DCC: variants seen among roughly 807,000 people sequenced by gnomAD.
DCC encodes DCC netrin 1 receptor, also known as netrin receptor DCC.
A neutral mutation model predicts 172.5 loss-of-function variants in DCC; 58 were observed. The observed-to-expected ratio is 0.34, with a 90% CI of 0.27 to 0.42. DCC has a LOEUF of 0.42. Ranked by LOEUF, DCC falls within the 10% of genes least tolerant of loss-of-function variation. The pLI, the probability that DCC is intolerant of heterozygous loss-of-function variation, is 1.00. For missense variants in DCC, 1,740 were observed against 1,791.0 expected (o/e 0.97, Z 0.51); for synonymous variants, 709 against 644.5 (o/e 1.10, Z -1.52).
chr18:52,658,051 G>A (rs573236408), intron 1 of DCC, among the ~76,000 whole-genome samples: 5 of 152,238 alleles, frequency 3.3e-5, no homozygotes, highest in African/African-American at 1.2e-4. Flanking sequence ...CTCCCACTTA[G>A]TTGTTTTATA....
chr18:53,123,597 T>C (rs1271968046), intron 7 of DCC, among the ~76,000 whole-genome samples: 1 of 152,090 alleles, frequency 6.6e-6, no homozygotes, highest in Non-Finnish European at 1.5e-5. Context: ...CTAGTTGTAA[T>C]GTGTTTTTAA....
chr18:53,291,771 T>A (rs2057007668), intron 12 of DCC, among the ~76,000 whole-genome samples: 2 of 152,192 alleles, frequency 1.3e-5, no homozygotes, highest in Admixed American at 1.3e-4. Context: ...CTTCTAAACA[T>A]CCAGCTTACT....
At chr18:52,603,353 C>T (rs572506814) in intron 1 of DCC, among the ~76,000 whole-genome samples, 2 of 151,792 alleles carry the variant, frequency 1.3e-5, no homozygotes, top group African/African-American at 2.4e-5. Flanking sequence ...TCCATTAGAC[C>T]GAGAATTAGG....
intron 15 of DCC, among the ~76,000 whole-genome samples, chr18:53,385,332 T>G (rs910953201): frequency 1.3e-5 from 2 of 152,150 alleles, no homozygotes; most frequent in African/African-American, 4.8e-5. Flanking sequence ...ACAGAAACAA[T>G]GTGACATTCA....
intron 1 of DCC, among the ~76,000 whole-genome samples, chr18:52,661,481 G>A (rs2035358935): frequency 6.6e-6 from 1 of 152,198 alleles, no homozygotes; most frequent in African/African-American, 2.4e-5. Flanking sequence ...ACTGGTTGGT[G>A]AGATCCCACA....
intron 1 of DCC, among the ~76,000 whole-genome samples, chr18:52,343,411 A>C (rs1983743408): frequency 6.6e-6 from 1 of 152,222 alleles, no homozygotes; most frequent in Admixed American, 6.5e-5. Flanking sequence ...GCACAATAGC[A>C]CTGGGCCCTT....
chr18:53,455,860 TA>T (rs2145159497), intron 23 of DCC, among the ~76,000 whole-genome samples: 1 of 152,390 alleles, frequency 6.6e-6, no homozygotes, highest in South Asian at 2.1e-4. Flanking sequence ...AATCATTTTT[TA>T]AGCTTTCAAT....
chr18:53,449,416 T>G (rs1358542527), intron 22 of DCC, among the ~76,000 whole-genome samples: 1 of 152,206 alleles, frequency 6.6e-6, no homozygotes, highest in East Asian at 1.9e-4. Context: ...CTACATATTT[T>G]CTGCCACGAG....
At chr18:52,708,324 C>A (rs1021536823) in intron 1 of DCC, among the ~76,000 whole-genome samples, 6 of 151,938 alleles carry the variant, frequency 3.9e-5, no homozygotes, top group African/African-American at 1.5e-4. Context: ...CGCCTGTAGT[C>A]CCAGCTACTT....
intron 15 of DCC, among the ~76,000 whole-genome samples, chr18:53,351,665 A>G (rs901753823): frequency 2.7e-5 from 4 of 150,820 alleles, no homozygotes; most frequent in African/African-American, 4.9e-5. Flanking sequence ...TAGGTCATTC[A>G]TTCTACCAAC....
At chr18:53,291,851 G>A (rs969425454) in intron 12 of DCC, among the ~76,000 whole-genome samples, 13 of 152,188 alleles carry the variant, frequency 8.5e-5, no homozygotes, top group African/African-American at 1.2e-4. Context: ...TGTATTAATC[G>A]TAAACTCACT....
intron 13 of DCC, among the ~76,000 whole-genome samples, chr18:53,314,081 G>A (rs778851480): frequency 2.6e-5 from 4 of 152,108 alleles, no homozygotes; most frequent in Non-Finnish European, 4.4e-5. Flanking sequence ...CTATAAAGTG[G>A]AAGCATGTAT....
intron 5 of DCC, among the ~76,000 whole-genome samples, chr18:53,045,157 TA>T (rs766553996): frequency 3.9e-5 from 6 of 151,934 alleles, no homozygotes; most frequent in Non-Finnish European, 8.8e-5. Flanking sequence ...AATAATATGG[TA>T]AGTACAATTA....
intron 21 of DCC, chr18:53,416,578 C>T (rs1309153359): frequency 4.4e-6 from 1 of 229,188 alleles, no homozygotes; most frequent in Admixed American, 5.2e-5. Context: ...TTTTCCTCTG[C>T]AATGAGCTTC....
At chr18:52,880,583 G>T in intron 2 of DCC, among the ~76,000 whole-genome samples, 1 of 151,932 alleles carries the variant, frequency 6.6e-6, no homozygotes, top group East Asian at 1.9e-4. Context: ...TGATATTTTA[G>T]CTCCTACAAA....
chr18:52,414,200 C>T lies in DCC; in HGVS notation c.91+73322C>T, dbSNP rs71367273. On this transcript the variant is annotated intron_variant, in intron 1 of 28. Coordinates refer to ENST00000442544, the MANE Select transcript of DCC (RefSeq NM_005215.4). ...GGTTCAAGTGATTCTCCTGCCTCAG[C>T]CCCCCAAGTAGCTGGGAATACAGGT... Among the ~76,000 whole-genome samples, 612 of 152,190 alleles carry T rather than the reference C, an allele frequency of 4.0e-3. 1 individual carries two copies. The highest frequency in any genetic ancestry group is 6.3e-3 in the Non-Finnish European group (426 of 68,004).
chr18:52,501,992 G>T (rs896056457), intron 1 of DCC, among the ~76,000 whole-genome samples: 1 of 152,136 alleles, frequency 6.6e-6, no homozygotes, highest in Non-Finnish European at 1.5e-5. Flanking sequence ...CTTAAAACTT[G>T]TCTCAGATCC....
intron 14 of DCC, among the ~76,000 whole-genome samples, chr18:53,329,099 T>C (rs1290735937): frequency 6.6e-6 from 1 of 152,034 alleles, no homozygotes; most frequent in East Asian, 1.9e-4. Flanking sequence ...GAAGAGGGCG[T>C]TTTGTGGAAT....
At chr18:53,352,130 G>A (rs539924479) in intron 15 of DCC, among the ~76,000 whole-genome samples, 5 of 152,012 alleles carry the variant, frequency 3.3e-5, no homozygotes, top group South Asian at 4.2e-4. Flanking sequence ...GAAAAACAAG[G>A]TATTTTAGCA....
Sources: allele counts gnomAD v4.1 joint callset (sites outside exome capture counted in the v4.1 genomes callset), GRCh38; gene constraint gnomAD v4.1.1; transcripts MANE v1.5; gene names NCBI Gene and HGNC (gene_info 2026-07-23, HGNC 2026-07-21).